MATCAP1: variants seen among roughly 807,000 people sequenced by gnomAD.
The protein encoded by MATCAP1 is microtubule-associated tyrosine carboxypeptidase 1.
At chr16:67,178,582 C>T in the MATCAP1 span, 1 of 1,301,770 alleles carries the variant, frequency 7.7e-7, no homozygotes, top group South Asian at 1.3e-5. Context: ...TGGCCCTGTT[C>T]CATCTGGCCG....
chr16:67,179,197 T>G, the MATCAP1 span: 2 of 1,351,100 alleles, frequency 1.5e-6, no homozygotes, highest in Non-Finnish European at 1.9e-6. This position sits in a 1 kb window ranked among gnomAD's most constrained non-coding sequence, Gnocchi z 5.2. Context: ...GAGAGAAAAA[T>G]ATACCCGAAA....
At chr16:67,180,547 G>T in the MATCAP1 span, 1 of 1,537,692 alleles carries the variant, frequency 6.5e-7, no homozygotes, top group South Asian at 1.3e-5. Flanking sequence ...CGCAGGGATG[G>T]GGGACTGGTA....
At chr16:67,178,945 GGACA>G in the MATCAP1 span, 2 of 418,346 alleles carry the variant, frequency 4.8e-6, no homozygotes, top group South Asian at 2.0e-5. Flanking sequence ...CGAGGAAGAG[GGACA>G]GACAGATAGG....
At chr16:67,179,479 C>G in the MATCAP1 span, 9 of 1,612,674 alleles carry the variant, frequency 5.6e-6, no homozygotes, top group Admixed American at 1.2e-4. The surrounding 1 kb of genome is among the most constrained non-coding windows in gnomAD (Gnocchi z 5.2). Flanking sequence ...GGGCTCCGGT[C>G]AGGTTGATCG....
the MATCAP1 span, chr16:67,178,510 G>A: frequency 1.3e-6 from 2 of 1,522,402 alleles, no homozygotes; most frequent in Non-Finnish European, 1.8e-6. Flanking sequence ...GGTGCCTGCG[G>A]GGAAGGCGAG....
At chr16:67,183,942 G>A in the MATCAP1 span, 1 of 193,636 alleles carries the variant, frequency 5.2e-6, no homozygotes, top group Admixed American at 6.3e-5. Flanking sequence ...CCAGCCGGCG[G>A]GAGCCGTCGC....
chr16:67,179,637 G>GCA, the MATCAP1 span: 1 of 1,505,608 alleles, frequency 6.6e-7, no homozygotes, highest in Non-Finnish European at 9.2e-7. The surrounding 1 kb of genome is among the most constrained non-coding windows in gnomAD (Gnocchi z 5.2). Flanking sequence ...GATGCCACAG[G>GCA]GCAGCGAGGC....
chr16:67,178,162 C>A, the MATCAP1 span: 2 of 1,552,546 alleles, frequency 1.3e-6, no homozygotes, highest in Non-Finnish European at 1.7e-6. Context: ...CCCGCCCCCA[C>A]CCCGGCTCTA....
the MATCAP1 span, chr16:67,178,973 G>T: frequency 2.3e-6 from 1 of 443,106 alleles, no homozygotes; most frequent in Non-Finnish European, 3.9e-6. Flanking sequence ...AGTGGTTAGT[G>T]CCCTGCACCC....
chr16:67,176,347 C>T, the MATCAP1 span: 1 of 154,938 alleles, frequency 6.5e-6, no homozygotes, highest in Admixed American at 6.5e-5. The surrounding 1 kb of genome is among the most constrained non-coding windows in gnomAD (Gnocchi z 4.3). Context: ...CATCAATCAC[C>T]CCAGGAGAAG....
chr16:67,177,898 A>AC, the MATCAP1 span: 1 of 892,492 alleles, frequency 1.1e-6, no homozygotes. Context: ...GCTCCCCCCT[A>AC]CCACCACAGG....
the MATCAP1 span, chr16:67,179,128 C>T: frequency 8.3e-7 from 1 of 1,205,728 alleles, no homozygotes; most frequent in East Asian, 5.0e-5. The surrounding 1 kb of genome is among the most constrained non-coding windows in gnomAD (Gnocchi z 5.2). Flanking sequence ...CTTTCTCTGG[C>T]CGGTCAGGGC....
the MATCAP1 span, chr16:67,181,582 T>C: frequency 6.6e-6 from 1 of 152,222 alleles, no homozygotes; most frequent in Admixed American, 6.5e-5. Context: ...GCTGCTGAGC[T>C]CCCTTGCCTG....
At chr16:67,179,429 C>T in the MATCAP1 span, 2 of 1,608,618 alleles carry the variant, frequency 1.2e-6, no homozygotes, top group Non-Finnish European at 1.7e-6. The surrounding 1 kb of genome is among the most constrained non-coding windows in gnomAD (Gnocchi z 5.2). Context: ...CACACCCTGA[C>T]CTATCTCATG....
chr16:67,179,155 G>T, the MATCAP1 span: 42 of 1,261,210 alleles, frequency 3.3e-5, no homozygotes, highest in Non-Finnish European at 4.2e-5. The surrounding 1 kb of genome is among the most constrained non-coding windows in gnomAD (Gnocchi z 5.2). Flanking sequence ...AGCCTTGCCC[G>T]CACTGTTGGG....
the MATCAP1 span, chr16:67,176,792 C>CT: frequency 6.4e-7 from 1 of 1,553,250 alleles, no homozygotes; most frequent in Non-Finnish European, 8.7e-7. This position sits in a 1 kb window ranked among gnomAD's most constrained non-coding sequence, Gnocchi z 4.3. Context: ...GGGCCTCTGA[C>CT]TGCAGCCCTC....
chr16:67,182,346 C>T, the MATCAP1 span, among the ~76,000 whole-genome samples: 13 of 152,078 alleles, frequency 8.5e-5, no homozygotes, highest in Non-Finnish European at 1.3e-4. Flanking sequence ...TCCTACCTTG[C>T]TGGTCATCCC....
the MATCAP1 span, chr16:67,180,368 C>T: frequency 6.2e-7 from 1 of 1,612,610 alleles, no homozygotes; most frequent in East Asian, 2.2e-5. Context: ...AGTAGGTGCT[C>T]TCACTGCGAC....
At chr16:67,179,643 G>A in the MATCAP1 span, 182 of 1,492,230 alleles carry the variant, frequency 1.2e-4, no homozygotes, top group Admixed American at 3.1e-4. This position sits in a 1 kb window ranked among gnomAD's most constrained non-coding sequence, Gnocchi z 5.2. Context: ...ACAGGGCAGC[G>A]AGGCCAGACA....
Sources: gnomAD v4.1 joint callset for allele counts (sites outside exome capture counted in the v4.1 genomes callset) on GRCh38, gnomAD v4.1.1 for gene constraint, Gnocchi (gnomAD v3.1) non-coding constraint, MANE v1.5 for transcripts, NCBI Gene and HGNC (gene_info 2026-07-23, HGNC 2026-07-21) for gene names.